Variants in PNPLA8 observed in about 807,000 individuals in gnomAD.
PNPLA8 encodes calcium-independent phospholipase A2-gamma.
PNPLA8 carries 39 observed loss-of-function variants against 76.9 expected under a neutral mutation model. The observed-to-expected ratio is 0.51, with a 90% confidence interval of 0.39 to 0.66. The LOEUF (loss-of-function observed/expected upper bound fraction) is 0.66, where lower values mean the gene tolerates loss of function less well. Among genes scored for constraint, PNPLA8 ranks in the 30% least tolerant of loss-of-function variants. The pLI, the probability that PNPLA8 is intolerant of heterozygous loss-of-function variation, is 0.00. For missense variants in PNPLA8, 887 were observed against 918.0 expected (o/e 0.97, Z 0.44); for synonymous variants, 301 against 307.9 (o/e 0.98, Z 0.24).
intron 5 of PNPLA8, among the ~76,000 whole-genome samples, chr7:108,499,542 G>C (rs150346907): frequency 6.6e-6 from 1 of 152,126 alleles, no homozygotes; most frequent in Non-Finnish European, 1.5e-5. Flanking sequence ...CAGCAGAACC[G>C]CTGACATTCT....
chr7:108,479,299 C>T lies in PNPLA8; in HGVS notation c.1959G>A (p.Glu653=), dbSNP rs779079359. ...GTCCAGTGCCCAGGGATACTATGCA[C>T]TCTAACGGCACATCTGGCCAAAGAC... The part of the protein sequence containing the change: ...CKCLWPDVPL[E]CIVSLGTGRY... The change falls in exon 10 of 11, where the codon GAG becomes GAA. Residue 653 remains glutamate (E), a synonymous_variant. Transcript: ENST00000257694. The T allele has an allele frequency of 5.0e-6, 8 of 1,613,028 alleles. No homozygotes were observed. Among genetic ancestry groups the T allele is most frequent in the Non-Finnish European group, 8.5e-7 (1 of 1,178,970 alleles).
chr7:108,527,802 C>G (rs535801063), upstream of PNPLA8: 4 of 152,206 alleles, frequency 2.6e-5, no homozygotes, highest in South Asian at 8.3e-4. Flanking sequence ...CTTGCTAAAA[C>G]TGGACTCAGC....
chr7:108,509,209 CA>C, intron 4 of PNPLA8, among the ~76,000 whole-genome samples: 1 of 83,932 alleles, frequency 1.2e-5, no homozygotes, highest in Non-Finnish European at 2.4e-5. Flanking sequence ...TTCTGCACAG[CA>C]AAAGAAACTA....
At chr7:108,495,655 A>G (rs40847) in intron 7 of PNPLA8, among the ~76,000 whole-genome samples, 60,810 of 151,986 alleles carry the variant, frequency 0.4, 12,709 homozygotes, top group African/African-American at 0.48. Context: ...GTGACCTACT[A>G]ATATATTCTG....
At chr7:108,473,430 T>C (rs2154514578) in intron 10 of PNPLA8, among the ~76,000 whole-genome samples, 1 of 152,282 alleles carries the variant, frequency 6.6e-6, no homozygotes, top group East Asian at 1.9e-4. Flanking sequence ...GGCAAAAACC[T>C]AGGAATAAAA....
At chr7:108,525,790 G>C (rs987885174) in intron 1 of PNPLA8, among the ~76,000 whole-genome samples, 1 of 152,184 alleles carries the variant, frequency 6.6e-6, no homozygotes, top group African/African-American at 2.4e-5. Context: ...AACCAAATAC[G>C]GTTTGCGCTT....
rs150838664 is a variant in PNPLA8, at chr7:108,481,320, C to T, written c.1879-1941G>A. The stretch of plus-strand genomic sequence containing the variant: ...AAAGTGGTTGTCCATTTTGCGTTCC[C>T]ACCATCACTGTCTAAAAGTTCCAGT... On this transcript the variant is annotated intron_variant, in intron 9 of 10. Transcript: ENST00000257694. Among the ~76,000 whole-genome samples the T allele has an allele frequency of 3.3e-3, 505 of 152,284 alleles. 2 individuals carry two copies. Among genetic ancestry groups the T allele is most frequent in the Non-Finnish European group, 4.0e-3 (270 of 68,016 alleles).
intron 8 of PNPLA8, among the ~76,000 whole-genome samples, chr7:108,490,822 T>C (rs894217530): frequency 1.3e-5 from 2 of 152,012 alleles, no homozygotes; most frequent in Non-Finnish European, 2.9e-5. Flanking sequence ...TGTCATAATG[T>C]TCCTTAAATC....
chr7:108,510,032 TG>T (rs1482420861), intron 4 of PNPLA8, among the ~76,000 whole-genome samples: 1 of 69,478 alleles, frequency 1.4e-5, no homozygotes, highest in Non-Finnish European at 2.7e-5. Context: ...TGTGGTGGGG[TG>T]GGGGGAGGGG....
chr7:108,494,472 T>C (rs1052597527), intron 7 of PNPLA8, among the ~76,000 whole-genome samples: 3 of 152,238 alleles, frequency 2.0e-5, no homozygotes, highest in African/African-American at 7.2e-5. Flanking sequence ...TATTTGGTTT[T>C]ATGTTCTTGT....
chr7:108,527,623 A>C (rs952332692), upstream of PNPLA8: 20 of 152,228 alleles, frequency 1.3e-4, no homozygotes, highest in African/African-American at 4.8e-4. Flanking sequence ...GCTAGGATTT[A>C]TAACCAGCAA....
intron 7 of PNPLA8, among the ~76,000 whole-genome samples, chr7:108,494,675 A>G (rs40846): frequency 0.65 from 98,405 of 152,076 alleles, 32,421 homozygotes; most frequent in African/African-American, 0.77. Flanking sequence ...ATGAACACAT[A>G]AGTGCATGTG....
chr7:108,515,116 A>G lies in PNPLA8; in HGVS notation c.376T>C (p.Leu126=), dbSNP rs1863232074. 9.3e-6 allele frequency: 15 copies of G among 1,607,314 alleles called. No homozygotes were observed. Among genetic ancestry groups the G allele is most frequent in the Non-Finnish European group, 1.1e-5 (13 of 1,177,334 alleles). Residue 126 remains leucine (L), a synonymous_variant, in exon 3 of 11, where the codon TTA becomes CTA. Coordinates refer to ENST00000257694, the MANE Select transcript of PNPLA8 (RefSeq NM_001256007.3). Reference sequence around the variant, plus strand: ...TGGGAACTTGGCTTAAATTGAGCTAAACGTGAAATCATTTCATTTTGATTG... The same window carrying G: ...TGGGAACTTGGCTTAAATTGAGCTAGACGTGAAATCATTTCATTTTGATTG... ...FGNQNEMISR[L]AQFKPSSQIL... is the part of the protein sequence containing the mutation.
chr7:108,515,885 T>G (rs1322405060), intron 2 of PNPLA8, among the ~76,000 whole-genome samples: 1 of 152,104 alleles, frequency 6.6e-6, no homozygotes, highest in Admixed American at 6.5e-5. Flanking sequence ...GATACTATGC[T>G]TTTTTTTCCC....
At chr7:108,521,542 TAATA>T (rs67095355) in intron 1 of PNPLA8, 21 bp from the exon 2 acceptor site, 159,495 of 559,374 alleles carry the variant, frequency 0.29, 23,109 homozygotes, top group African/African-American at 0.32. Flanking sequence ...ATAAAACAAA[TAATA>T]AACGTAATGT....
chr7:108,479,514 CA>C, intron 9 of PNPLA8, 135 bp from the exon 10 acceptor site: 2 of 627,172 alleles, frequency 3.2e-6, no homozygotes, highest in African/African-American at 3.7e-5. Flanking sequence ...ACTACAGCTG[CA>C]AAAAAATCCA....
chr7:108,504,562 A>C (rs1336165070), intron 4 of PNPLA8, among the ~76,000 whole-genome samples: 3 of 152,240 alleles, frequency 2.0e-5, no homozygotes, highest in Admixed American at 2.0e-4. Context: ...ATTGTTCCAC[A>C]TATTCACTGC....
intron 1 of PNPLA8, 64 bp from the exon 2 acceptor site, chr7:108,521,585 T>G (rs1188847062): frequency 1.7e-5 from 4 of 233,876 alleles, no homozygotes; most frequent in African/African-American, 9.3e-5. Context: ...GTGCCATGAA[T>G]TAAAATAAAG....
intron 7 of PNPLA8, among the ~76,000 whole-genome samples, chr7:108,494,778 A>G (rs2154515524): frequency 6.6e-6 from 1 of 152,348 alleles, no homozygotes; most frequent in Non-Finnish European, 1.5e-5. Flanking sequence ...AAAAATCATT[A>G]AAGGAAAAGA....
Sources: allele counts gnomAD v4.1 joint callset (sites outside exome capture counted in the v4.1 genomes callset), GRCh38; gene constraint gnomAD v4.1.1; transcripts MANE v1.5; gene names NCBI Gene and HGNC (gene_info 2026-07-23, HGNC 2026-07-21).